The following EVC variants were observed in gnomAD, a reference collection of about 807,000 sequenced individuals.
EVC encodes the protein evC complex member EVC.
EVC carries 116 observed loss-of-function variants against 118.9 expected under a neutral mutation model. That is an observed-to-expected ratio of 0.98 (90% CI 0.84 to 1.14). The LOEUF (loss-of-function observed/expected upper bound fraction) is 1.14. Among genes scored for constraint, EVC ranks in the 50% most tolerant of loss-of-function variants. The pLI, the probability that EVC is intolerant of heterozygous loss-of-function variation, is 0.00. For missense variants in EVC, 1,401 were observed against 1,246.4 expected (o/e 1.12, Z -1.87); for synonymous variants, 619 against 534.7 (o/e 1.16, Z -2.18).
chr4:5,744,967 A>C (rs1017611905), intron 6 of EVC, among the ~76,000 whole-genome samples: 9 of 116,768 alleles, frequency 7.7e-5, no homozygotes, highest in African/African-American at 1.7e-4. Context: ...AGTATGGTCT[A>C]GTTTTTTTTT....
rs763603008 is a variant in EVC at position 5,798,832 on chromosome 4, G to C, written c.2304+40G>C. Reference sequence around the variant, plus strand: ...CTGTCCCTGGGGACACCGAGGGCAAGAATGTTCAGGGTAGGGTCCATGCCT... The same window carrying C: ...CTGTCCCTGGGGACACCGAGGGCAACAATGTTCAGGGTAGGGTCCATGCCT... On this transcript the variant is annotated intron_variant, in intron 15 of 20. Transcript: ENST00000264956. The surrounding 1 kb of genome is among the most constrained non-coding windows in gnomAD (Gnocchi z 4.1). 1.6e-5 allele frequency: 25 copies of C among 1,588,846 alleles called. No homozygotes were observed. Among genetic ancestry groups the C allele is most frequent in the Non-Finnish European group, 2.1e-5 (25 of 1,167,008 alleles).
intron 11 of EVC, among the ~76,000 whole-genome samples, chr4:5,774,558 G>A (rs1028260025): frequency 1.3e-5 from 2 of 152,034 alleles, no homozygotes; most frequent in Non-Finnish European, 1.5e-5. Flanking sequence ...TCTAGACTAT[G>A]GGTATCTTCC....
chr4:5,735,880 G>T (rs1375157963), intron 5 of EVC, among the ~76,000 whole-genome samples: 1 of 152,162 alleles, frequency 6.6e-6, no homozygotes, highest in African/African-American at 2.4e-5. Flanking sequence ...CCTGCTCTGG[G>T]GAGCATAACT....
intron 7 of EVC, among the ~76,000 whole-genome samples, chr4:5,747,089 A>T (rs1729469822): frequency 6.6e-6 from 1 of 152,018 alleles, no homozygotes; most frequent in African/African-American, 2.4e-5. Flanking sequence ...TGAGAGGAGG[A>T]GCAGCATGTA....
chr4:5,786,661 C>T (rs1384536202), intron 12 of EVC, among the ~76,000 whole-genome samples: 3 of 152,142 alleles, frequency 2.0e-5, no homozygotes, highest in African/African-American at 4.8e-5. Flanking sequence ...ATCATGAGGT[C>T]AGGAGATCGA....
At chr4:5,783,452 T>A in intron 11 of EVC, 100 bp from the exon 12 acceptor site, 1 of 1,121,512 alleles carries the variant, frequency 8.9e-7, no homozygotes. Flanking sequence ...GATCTCCTTG[T>A]GTCTTGTGGG....
intron 7 of EVC, among the ~76,000 whole-genome samples, chr4:5,747,126 C>A (rs547550606): frequency 6.6e-6 from 1 of 152,004 alleles, no homozygotes; most frequent in Non-Finnish European, 1.5e-5. Context: ...GCAATGGGGC[C>A]CTGAGATGGG....
In EVC at chr4:5,746,089, A is replaced by G. The variant is rs539192731; in HGVS notation, c.939+748A>G. Among the ~76,000 whole-genome samples the G allele has an allele frequency of 6.6e-6, 1 of 152,310 alleles. No individual in the cohort carries two copies. Among genetic ancestry groups the G allele is most frequent in the African/African-American group, 2.4e-5 (1 of 41,568 alleles). On this transcript the variant is annotated intron_variant, in intron 7 of 20. Transcript: ENST00000264956. The surrounding 1 kb of genome is among the most constrained non-coding windows in gnomAD (Gnocchi z 5.8). The stretch of plus-strand genomic sequence containing the variant: ...GTGGTGGGGCAGAGATGGGAGCTAA[A>G]GAGGGCTGAGAGCAAGTCGAGGTAA...
rs192241222 is a variant in EVC, at chr4:5,769,143, C to T, written c.1563+12781C>T. On this transcript the variant is annotated intron_variant, in intron 11 of 20. Coordinates refer to ENST00000264956, the MANE Select transcript of EVC (RefSeq NM_153717.3). The stretch of plus-strand genomic sequence containing the variant: ...ATAAAGGAAACAGGTTTAACAGACT[C>T]ACAGTTCCACGTGGCTGGGGAGGCC... 5.3e-5 allele frequency among the ~76,000 whole-genome samples: 8 copies of T among 151,104 alleles called. No homozygotes were observed. In the East Asian group the frequency reaches 1.6e-3, roughly 29 times the overall value.
chr4:5,762,048 C>T (rs1732120276), intron 11 of EVC, among the ~76,000 whole-genome samples: 1 of 74,088 alleles, frequency 1.3e-5, no homozygotes, highest in Admixed American at 1.3e-4. Flanking sequence ...GCTATCCCTC[C>T]CCCCACCCCC....
At position 5,749,238 on chromosome 4, in the gene EVC, C is replaced by T. The variant is rs978104346; in HGVS notation, c.1098+932C>T. ...AGGCCAGGGATACAAACCCCTGGTGCATGGGTGTCCAACCTTTTGGCTTCC... is the reference window on the plus strand; with the variant it reads ...AGGCCAGGGATACAAACCCCTGGTGTATGGGTGTCCAACCTTTTGGCTTCC... On this transcript the variant is annotated intron_variant, in intron 8 of 20. Transcript: ENST00000264956. This position sits in a 1 kb window ranked among gnomAD's most constrained non-coding sequence, Gnocchi z 4.4. Among the ~76,000 whole-genome samples the T allele has an allele frequency of 6.6e-6, 1 of 151,058 alleles. No homozygotes were observed. The highest frequency in any genetic ancestry group is 1.5e-5 in the Non-Finnish European group (1 of 67,966).
intron 12 of EVC, among the ~76,000 whole-genome samples, chr4:5,788,532 C>T (rs1712141156): frequency 6.6e-6 from 1 of 152,186 alleles, no homozygotes; most frequent in Admixed American, 6.5e-5. Flanking sequence ...ACAGCCGTTG[C>T]TCTTCCTGCC....
intron 11 of EVC, among the ~76,000 whole-genome samples, chr4:5,765,558 C>G (rs897158187): frequency 8.5e-5 from 10 of 117,996 alleles, no homozygotes; most frequent in Non-Finnish European, 1.7e-4. Context: ...GGAGGTTACT[C>G]AGGACTTGCT....
Position 5,756,243 on chromosome 4 carries a change from C to T in EVC, c.1465-21C>T. 6.4e-7 allele frequency: 1 copy of T among 1,570,834 alleles called. No individual in the cohort carries two copies. The highest frequency in any genetic ancestry group is 1.1e-5 in the South Asian group (1 of 87,918). Reference sequence around the variant, plus strand: ...AAACCCTGCATGTTTCTACCAGACTCAGCTCTTGTTTTCCTCACAGGCTTT... The same window carrying T: ...AAACCCTGCATGTTTCTACCAGACTTAGCTCTTGTTTTCCTCACAGGCTTT... On this transcript the variant is annotated intron_variant, in intron 10 of 20. Transcript: ENST00000264956. The surrounding 1 kb of genome is among the most constrained non-coding windows in gnomAD (Gnocchi z 4.2).
chr4:5,808,264 C>G lies in EVC; in HGVS notation c.2625C>G (p.His875Gln). Reference protein sequence around the residue: ...QFPVHQQMRLHAQQQQAGVMD... With the variant: ...QFPVHQQMRLQAQQQQAGVMD... The stretch of plus-strand genomic sequence containing the variant: ...CAGTGCACCAGCAGATGCGTCTGCA[C>G]GCCCAGCAGCAGCAGGCAGGAGTCA... The change falls in exon 18 of 21, where the codon CAC becomes CAG. Residue 875 changes from histidine (H) to glutamine (Q), a missense_variant. By Grantham distance (24) the His-to-Gln change is conservative. Transcript: ENST00000264956. 1 of 1,613,656 alleles carries G rather than the reference C, an allele frequency of 6.2e-7. No homozygotes were observed. The highest frequency in any genetic ancestry group is 8.5e-7 in the Non-Finnish European group (1 of 1,179,908).
chr4:5,785,984 G>C (rs1183885080), intron 12 of EVC, among the ~76,000 whole-genome samples: 2 of 152,136 alleles, frequency 1.3e-5, no homozygotes, highest in African/African-American at 4.8e-5. Context: ...AATGAGTGTA[G>C]GGGCCTTTTA....
At chr4:5,730,243 A>C (rs1005036751) in intron 3 of EVC, among the ~76,000 whole-genome samples, 2 of 152,182 alleles carry the variant, frequency 1.3e-5, no homozygotes, top group Non-Finnish European at 2.9e-5. Flanking sequence ...AGTGCACAAC[A>C]TCTGAGCACT....
At chr4:5,828,862 G>A in the EVC span, among the ~76,000 whole-genome samples, 4 of 152,166 alleles carry the variant, frequency 2.6e-5, no homozygotes, top group South Asian at 8.3e-4. Flanking sequence ...TCACCGTTGC[G>A]CATGTAGGCT....
intron 2 of EVC, among the ~76,000 whole-genome samples, chr4:5,724,726 C>G (rs1406118625): frequency 1.3e-5 from 2 of 151,310 alleles, no homozygotes; most frequent in Admixed American, 6.6e-5. Context: ...CTTCTTGAAA[C>G]CTTTTCTTCA....
Sources: gnomAD v4.1 joint callset for allele counts (sites outside exome capture counted in the v4.1 genomes callset) on GRCh38, gnomAD v4.1.1 for gene constraint, Gnocchi (gnomAD v3.1) non-coding constraint, MANE v1.5 for transcripts, NCBI Gene and HGNC (gene_info 2026-07-23, HGNC 2026-07-21) for gene names.